Variants in NDUFS7 observed in about 807,000 individuals in gnomAD.
The protein encoded by NDUFS7 is NADH dehydrogenase [ubiquinone] iron-sulfur protein 7, mitochondrial.
A neutral mutation model predicts 31.1 loss-of-function variants in NDUFS7; 11 were observed. The observed-to-expected ratio is 0.35, with a 90% CI of 0.22 to 0.59. The LOEUF (loss-of-function observed/expected upper bound fraction) is 0.59. Ranked by LOEUF, NDUFS7 falls within the 20% of genes least tolerant of loss-of-function variation. The probability of loss-of-function intolerance (pLI) is 0.79; values close to 1 mark genes in which losing one functional copy is unlikely to be tolerated. For synonymous variants in NDUFS7, 136 were observed against 127.9 expected (o/e 1.06, Z -0.43); for missense variants, 263 against 324.2 (o/e 0.81, Z 1.45).
In NDUFS7 at chr19:1,393,652, G is replaced by A. The variant is rs992485669; in HGVS notation, c.544+322G>A. 25 of 595,308 alleles carry A rather than the reference G, an allele frequency of 4.2e-5. No homozygotes were observed. Among genetic ancestry groups the A allele is most frequent in the South Asian group, 2.6e-4 (13 of 50,356 alleles). The allele number at this position is 595,308 out of a possible 1,614,324, so 36.9% of individuals were successfully genotyped here. On this transcript the variant is annotated intron_variant, in intron 7 of 7. Transcript: ENST00000233627. The surrounding 1 kb of genome is among the most constrained non-coding windows in gnomAD (Gnocchi z 7.3). The stretch of plus-strand genomic sequence containing the variant: ...GCAGTTAGAAATACCAAGCGAGAAG[G>A]TTCCTGGGGGCCAAGGACACTGTCC...
Position 1,393,818 on chromosome 19 carries a change from T to C in NDUFS7, c.544+488T>C, listed in dbSNP as rs969379639. 1 of 358,146 alleles carries C rather than the reference T, an allele frequency of 2.8e-6. No homozygotes were observed. The highest frequency in any genetic ancestry group is 2.1e-5 in the African/African-American group (1 of 48,618). The allele number at this position is 358,146 out of a possible 1,614,324, so 22.2% of individuals were successfully genotyped here. Reference sequence around the variant, plus strand: ...CCATCAGGAAAACTGTTAGTAGTAATTGTTTAGTACGAGTATATCCCAACA... The same window carrying C: ...CCATCAGGAAAACTGTTAGTAGTAACTGTTTAGTACGAGTATATCCCAACA... On this transcript the variant is annotated intron_variant, in intron 7 of 7. Coordinates refer to ENST00000233627, the MANE Select transcript of NDUFS7 (RefSeq NM_024407.5). The surrounding 1 kb of genome is among the most constrained non-coding windows in gnomAD (Gnocchi z 7.3).
chr19:1,393,378 G>T lies in NDUFS7; in HGVS notation c.544+48G>T. 2.7e-6 allele frequency: 4 copies of T among 1,493,142 alleles called. No homozygotes were observed. The highest frequency in any genetic ancestry group is 2.7e-6 in the Non-Finnish European group (3 of 1,100,922). 92.5% of individuals were successfully genotyped at this position (1,493,142 alleles called of 1,614,324 possible). ...CACGAGGGAGCTGGAGACAGGGCCAGCGCCACACGGAGCCCGGCGGCCCCT... is the reference window on the plus strand; with the variant it reads ...CACGAGGGAGCTGGAGACAGGGCCATCGCCACACGGAGCCCGGCGGCCCCT... On this transcript the variant is annotated intron_variant, in intron 7 of 7. Coordinates refer to ENST00000233627, the MANE Select transcript of NDUFS7 (RefSeq NM_024407.5). This position sits in a 1 kb window ranked among gnomAD's most constrained non-coding sequence, Gnocchi z 7.3.
At position 1,389,196 on chromosome 19, in the gene NDUFS7, T is replaced by C. The variant is rs569944854; in HGVS notation, c.228+258T>C. On this transcript the variant is annotated intron_variant, in intron 4 of 7. Transcript: ENST00000233627. Reference sequence around the variant, plus strand: ...ACACACATGCACACACAAGCACATGTGCACACACGCTTGCACACATACACA... The same window carrying C: ...ACACACATGCACACACAAGCACATGCGCACACACGCTTGCACACATACACA... The C allele has an allele frequency of 4.5e-3, 3,113 of 688,758 alleles. 13 individuals are homozygous for C. Among genetic ancestry groups the C allele is most frequent in the Non-Finnish European group, 5.2e-3 (1,981 of 378,130 alleles). 42.7% of individuals were successfully genotyped at this position (688,758 alleles called of 1,614,324 possible). A position where few individuals can be genotyped will look rare whatever the true frequency, so the allele number is the denominator to read the frequency against.
At chr19:1,389,159 A>G in intron 4 of NDUFS7, 2 of 699,406 alleles carry the variant, frequency 2.9e-6, no homozygotes, top group Non-Finnish European at 5.2e-6. Context: ...ACTCGCACAC[A>G]TGCACACTTG....
rs746813022 is a variant in NDUFS7 at position 1,391,061 on chromosome 19, TCCCAGCCG to T, written c.408+23_408+30del. Reference sequence around the variant, plus strand: ...CCAGCGCTTCGCAAGGTAGGCCTCGTCCCAGCCGCCCAGCCGCCCCCAGAGTGAGCTGC... The same window carrying T: ...CCAGCGCTTCGCAAGGTAGGCCTCGTCCCAGCCGCCCCCAGAGTGAGCTGC... On this transcript the variant is annotated intron_variant, in intron 5 of 7. Transcript: ENST00000233627. 3 of 1,612,558 alleles carry T rather than the reference TCCCAGCCG, an allele frequency of 1.9e-6. No individual in the cohort carries two copies. Among genetic ancestry groups the T allele is most frequent in the East Asian group, 2.2e-5 (1 of 44,856 alleles).
At chr19:1,385,815 G>A (rs572171056) in intron 1 of NDUFS7, among the ~76,000 whole-genome samples, 3 of 152,212 alleles carry the variant, frequency 2.0e-5, no homozygotes, top group South Asian at 4.2e-4. Flanking sequence ...GCGAAACTCC[G>A]TCTCAAAACA....
rs2082584591 is a variant in NDUFS7 at position 1,394,784 on chromosome 19, G to C, written c.545-607G>C. On this transcript the variant is annotated intron_variant, in intron 7 of 7. Coordinates refer to ENST00000233627, the MANE Select transcript of NDUFS7 (RefSeq NM_024407.5). ...TGGCCGCCCTTTCCCAGGCCCTGCA[G>C]TGGCCTTGTCCTTTCTCACCTGTTT... The C allele has an allele frequency of 6.8e-6, 8 of 1,183,444 alleles. No individual in the cohort carries two copies. In the South Asian group the frequency reaches 1.1e-4, roughly 16 times the overall value. The allele number at this position is 1,183,444 out of a possible 1,614,324, so 73.3% of individuals were successfully genotyped here. A position where few individuals can be genotyped will look rare whatever the true frequency, so the allele number is the denominator to read the frequency against.
chr19:1,393,235 C>T lies in NDUFS7; in HGVS notation c.456-7C>T. On this transcript the variant is annotated splice_region_variant and splice_polypyrimidine_tract_variant and intron_variant, in intron 6 of 7. Transcript: ENST00000233627. The surrounding 1 kb of genome is among the most constrained non-coding windows in gnomAD (Gnocchi z 7.3). ...GGCACACTCCCCTCACGGTGCCTCCCCAACAGCTGCGCCAACGGAGGAGGC... is the reference window on the plus strand; with the variant it reads ...GGCACACTCCCCTCACGGTGCCTCCTCAACAGCTGCGCCAACGGAGGAGGC... 6.4e-7 allele frequency: 1 copy of T among 1,555,190 alleles called. No homozygotes were observed. Among genetic ancestry groups the T allele is most frequent in the Non-Finnish European group, 8.7e-7 (1 of 1,150,396 alleles).
chr19:1,388,612 G>T lies in NDUFS7; in HGVS notation c.122+19G>T. On this transcript the variant is annotated intron_variant, in intron 3 of 7. Transcript: ENST00000233627. Reference sequence around the variant, plus strand: ...CAAGCAGGTGAAGCTGGCCTTCTGGGGGAGGTCGTACCCCCTCGCCCCACC... The same window carrying T: ...CAAGCAGGTGAAGCTGGCCTTCTGGTGGAGGTCGTACCCCCTCGCCCCACC... 1 of 1,609,992 alleles carries T rather than the reference G, an allele frequency of 6.2e-7. No individual in the cohort carries two copies. Among genetic ancestry groups the T allele is most frequent in the South Asian group, 1.1e-5 (1 of 90,786 alleles).
Position 1,389,161 on chromosome 19 carries a change from G to A in NDUFS7, c.228+223G>A, listed in dbSNP as rs577305228. ...TGCACATATGCACACTCGCACACAT[G>A]CACACTTGCACACACATGCACACAC... On this transcript the variant is annotated intron_variant, in intron 4 of 7. Coordinates refer to ENST00000233627, the MANE Select transcript of NDUFS7 (RefSeq NM_024407.5). 1.0e-5 allele frequency: 7 copies of A among 698,294 alleles called. No individual in the cohort carries two copies. In the African/African-American group the frequency reaches 1.0e-4, roughly 10 times the overall value. The allele number at this position is 698,294 out of a possible 1,614,324, so 43.3% of individuals were successfully genotyped here. A position where few individuals can be genotyped will look rare whatever the true frequency, so the allele number is the denominator to read the frequency against.
chr19:1,387,933 G>GGGGGGGGGGGC, intron 2 of NDUFS7, 86 bp downstream of exon 2: 1 of 385,718 alleles, frequency 2.6e-6, no homozygotes, highest in Non-Finnish European at 5.1e-6. Context: ...GGGGTGGGGG[G>GGGGGGGGGGGC]AGCGCCTTGT....
intron 1 of NDUFS7, 63 bp from the exon 2 acceptor site, chr19:1,387,748 C>A: frequency 6.5e-7 from 1 of 1,534,104 alleles, no homozygotes; most frequent in Admixed American, 1.7e-5. Context: ...GGGGAAGCGC[C>A]TGGAGGCCGG....
intron 1 of NDUFS7, among the ~76,000 whole-genome samples, chr19:1,385,663 T>C (rs574738324): frequency 5.9e-5 from 9 of 151,868 alleles, no homozygotes; most frequent in African/African-American, 2.2e-4. Context: ...TACTAAAAAA[T>C]GCAAAATTAG....
At position 1,394,963 on chromosome 19, in the gene NDUFS7, G is replaced by A. The variant is rs566265685; in HGVS notation, c.545-428G>A. On this transcript the variant is annotated intron_variant, in intron 7 of 7. Transcript: ENST00000233627. ...GTCATCGGGTCCTCGTGGGATGCCCGGGCTCTGGGCCACCTCCCCTCCCTC... is the reference window on the plus strand; with the variant it reads ...GTCATCGGGTCCTCGTGGGATGCCCAGGCTCTGGGCCACCTCCCCTCCCTC... The A allele has an allele frequency of 2.3e-4, 254 of 1,114,050 alleles. No homozygotes were observed. In the African/African-American group the frequency reaches 2.7e-3, roughly 12 times the overall value. 69.0% of individuals were successfully genotyped at this position (1,114,050 alleles called of 1,614,324 possible). A position where few individuals can be genotyped will look rare whatever the true frequency, so the allele number is the denominator to read the frequency against.
Position 1,388,815 on chromosome 19 carries a change from C to T in NDUFS7, c.123-18C>T, listed in dbSNP as rs776145250. On this transcript the variant is annotated intron_variant, in intron 3 of 7. Coordinates refer to ENST00000233627, the MANE Select transcript of NDUFS7 (RefSeq NM_024407.5). ...CTGCGTGGCTGACGCCTCCTGTGCC[C>T]GTGTGTCTCTGTGCCAGCACCCAGC... 1.2e-5 allele frequency: 19 copies of T among 1,577,652 alleles called. No homozygotes were observed. Among genetic ancestry groups the T allele is most frequent in the Admixed American group, 3.7e-5 (2 of 54,244 alleles).
chr19:1,394,937 G>T, intron 7 of NDUFS7: 1 of 1,117,698 alleles, frequency 8.9e-7, no homozygotes, highest in Non-Finnish European at 1.1e-6. Context: ...TCAGAAAGAG[G>T]GTCATCGGGT....
At chr19:1,395,000 C>A in intron 7 of NDUFS7, 1 of 1,142,304 alleles carries the variant, frequency 8.8e-7, no homozygotes, top group Non-Finnish European at 1.1e-6. Context: ...GCCCAGCCTC[C>A]CTGCCTCCAT....
chr19:1,386,610 C>CCTCG (rs1452500690), intron 1 of NDUFS7: 1 of 152,250 alleles, frequency 6.6e-6, no homozygotes, highest in Non-Finnish European at 1.5e-5. Flanking sequence ...GATTCTCCTG[C>CCTCG]CTCAGCCTCT....
At position 1,393,106 on chromosome 19, in the gene NDUFS7, CT is replaced by C. The variant is rs1445896044; in HGVS notation, c.456-134del. ...GGAGCCTGTGCGTGTTTGCTCATTG[CT>C]TCTCCGTGACAAGTTCCAGCCTCGT... is the stretch of plus-strand genomic sequence containing the variant. On this transcript the variant is annotated intron_variant, in intron 6 of 7. Transcript: ENST00000233627. This position sits in a 1 kb window ranked among gnomAD's most constrained non-coding sequence, Gnocchi z 7.3. 1 of 702,706 alleles carries C rather than the reference CT, an allele frequency of 1.4e-6. No individual in the cohort carries two copies. The highest frequency in any genetic ancestry group is 1.7e-5 in the African/African-American group (1 of 57,232). The allele number at this position is 702,706 out of a possible 1,614,324, so 43.5% of individuals were successfully genotyped here.
Sources: gnomAD v4.1 joint callset for allele counts (sites outside exome capture counted in the v4.1 genomes callset) on GRCh38, gnomAD v4.1.1 for gene constraint, Gnocchi (gnomAD v3.1) non-coding constraint, MANE v1.5 for transcripts, NCBI Gene and HGNC (gene_info 2026-07-23, HGNC 2026-07-21) for gene names.